Variants in GRIP1 observed in about 807,000 individuals in gnomAD.
The protein encoded by GRIP1 is glutamate receptor-interacting protein 1.
Under a neutral mutation model 129.9 loss-of-function variants are expected in GRIP1, and 45 were observed. The observed-to-expected ratio is 0.35, with a 90% CI of 0.27 to 0.44. The LOEUF (loss-of-function observed/expected upper bound fraction) is 0.44. Among genes scored for constraint, GRIP1 ranks in the 20% least tolerant of loss-of-function variants. The probability of loss-of-function intolerance (pLI) is 1.00; values close to 1 mark genes in which losing one functional copy is unlikely to be tolerated. For synonymous variants in GRIP1, 530 were observed against 520.8 expected (o/e 1.02, Z -0.24); for missense variants, 1,196 against 1,396.8 (o/e 0.86, Z 2.29).
In GRIP1 at chr12:66,817,873, A is replaced by T. The variant is rs2039251778; in HGVS notation, c.59-220946T>A. Among the ~76,000 whole-genome samples, 3 of 152,324 alleles carry T rather than the reference A, an allele frequency of 2.0e-5. No homozygotes were observed. The South Asian group carries it at 6.2e-4, about 32-fold the overall frequency. On this transcript the variant is annotated intron_variant, in intron 1 of 1. Coordinates refer to the GRIP1 transcript ENST00000643019. ...TTTTTACTTAATCTGTTCTATATGT[A>T]GCTTAATAGGAAGAAGCTACATTTT...
chr12:66,484,684 G>A (rs1465721512), intron 7 of GRIP1, among the ~76,000 whole-genome samples: 1 of 152,100 alleles, frequency 6.6e-6, no homozygotes, highest in Non-Finnish European at 1.5e-5. Context: ...AAGGAGAAGG[G>A]GCGGGGGTGT....
chr12:66,954,814 A>G (rs559032571), intron 1 of GRIP1, among the ~76,000 whole-genome samples: 2 of 152,224 alleles, frequency 1.3e-5, no homozygotes, highest in East Asian at 1.9e-4. Context: ...TATATAAAAT[A>G]TATAATTTAT....
At chr12:66,785,979 A>G (rs992484891) in intron 1 of GRIP1, among the ~76,000 whole-genome samples, 1 of 152,162 alleles carries the variant, frequency 6.6e-6, no homozygotes, top group African/African-American at 2.4e-5. Flanking sequence ...GCTATTCAGG[A>G]GGCTGAGGTG....
intron 1 of GRIP1, among the ~76,000 whole-genome samples, chr12:66,723,605 G>A (rs192434847): frequency 1.3e-3 from 202 of 152,034 alleles, no homozygotes; most frequent in Non-Finnish European, 2.5e-3. Flanking sequence ...GAGCCACCAC[G>A]CCTGGCCTCA....
Position 66,394,259 on chromosome 12 carries a change from G to A in GRIP1, c.2078C>T (p.Pro693Leu), listed in dbSNP as rs919820567. ...LGITISGTEEPFDPIIISSLT... is the reference protein window; with the variant it reads ...LGITISGTEELFDPIIISSLT... ...GCTTGAAATGATTATAGGATCAAAC[G>A]GCTCTTCAGTTCCTGAAATTGTGAT... The change falls in exon 17 of 25, where the codon CCG becomes CTG. Residue 693 changes from proline (P) to leucine (L), a missense_variant. Physicochemically the swap from Pro to Leu is moderately conservative, Grantham distance 98. Transcript: ENST00000359742. 2.5e-6 allele frequency: 4 copies of A among 1,613,768 alleles called. No homozygotes were observed. Among genetic ancestry groups the A allele is most frequent in the African/African-American group, 1.3e-5 (1 of 74,898 alleles).
intron 19 of GRIP1, among the ~76,000 whole-genome samples, chr12:66,382,820 G>A (rs578135141): frequency 6.6e-6 from 1 of 152,314 alleles, no homozygotes; most frequent in South Asian, 2.1e-4. Flanking sequence ...GAAGAAAGAG[G>A]CATAGAAAGT....
At position 66,638,517 on chromosome 12, in the gene GRIP1, G is replaced by GT. The variant is rs1378230643; in HGVS notation, c.55+40332dup. On this transcript the variant is annotated intron_variant, in intron 1 of 24. Transcript: ENST00000359742. The stretch of plus-strand genomic sequence containing the variant: ...CTGTTTCTTACTGCCCCACAAAATA[G>GT]TTTTTTATAATGACAGACAAAATAG... 2.0e-5 allele frequency among the ~76,000 whole-genome samples: 3 copies of GT among 152,246 alleles called. No homozygotes were observed. The South Asian group carries it at 6.2e-4, about 32-fold the overall frequency.
intron 19 of GRIP1, among the ~76,000 whole-genome samples, chr12:66,388,844 A>G (rs550026467): frequency 8.1e-4 from 124 of 152,320 alleles, no homozygotes; most frequent in Non-Finnish European, 1.5e-3. Flanking sequence ...AACCTCTTCC[A>G]TGGGAGCAGA....
chr12:66,520,396 C>A (rs1460212596), intron 5 of GRIP1, among the ~76,000 whole-genome samples: 1 of 152,300 alleles, frequency 6.6e-6, no homozygotes, highest in East Asian at 1.9e-4. Context: ...TTATTCAAAA[C>A]TCCAAAAACT....
intron 5 of GRIP1, 138 bp downstream of exon 5, chr12:66,529,693 C>T (rs540641672): frequency 2.2e-5 from 15 of 679,868 alleles, no homozygotes; most frequent in South Asian, 1.0e-4. Flanking sequence ...GTATACTGCT[C>T]GGGTCGTGGG....
At chr12:66,405,022 T>G (rs2057141431) in intron 16 of GRIP1, among the ~76,000 whole-genome samples, 2 of 152,132 alleles carry the variant, frequency 1.3e-5, no homozygotes, top group Admixed American at 1.3e-4. Flanking sequence ...CCAGCCTGGG[T>G]GTGCCACACA....
At chr12:66,423,626 C>A (rs1161517622) in intron 14 of GRIP1, among the ~76,000 whole-genome samples, 1 of 152,170 alleles carries the variant, frequency 6.6e-6, no homozygotes, top group Non-Finnish European at 1.5e-5. Context: ...GAGACAAGCG[C>A]CTCTGCTCTG....
chr12:66,914,768 A>G lies in GRIP1; in HGVS notation c.58+154282T>C, dbSNP rs563195674. ...CCTGAAAATCAAAGAATCTGCATGT[A>G]CCCTGGCAGGAGAAAAACAAATATC... On this transcript the variant is annotated intron_variant, in intron 1 of 1. Coordinates refer to the GRIP1 transcript ENST00000643019. Among the ~76,000 whole-genome samples the G allele has an allele frequency of 9.5e-4, 144 of 152,282 alleles. 1 individual carries two copies. Among genetic ancestry groups the G allele is most frequent in the African/African-American group, 3.4e-3 (141 of 41,558 alleles).
At chr12:66,705,762 A>G (rs899714129) in intron 1 of GRIP1, among the ~76,000 whole-genome samples, 6 of 152,106 alleles carry the variant, frequency 3.9e-5, no homozygotes, top group African/African-American at 1.2e-4. Flanking sequence ...CACATCTACA[A>G]TCATCTGATC....
At chr12:66,779,853 A>G (rs2038100111) in intron 1 of GRIP1, among the ~76,000 whole-genome samples, 1 of 152,260 alleles carries the variant, frequency 6.6e-6, no homozygotes, top group Non-Finnish European at 1.5e-5. Flanking sequence ...AGGAAGGTCA[A>G]GTCTGAGGAC....
At position 66,451,383 on chromosome 12, in the gene GRIP1, G is replaced by GTTTTTTT. The variant is rs1169331519; in HGVS notation, c.1354+4019_1354+4025dup. Among the ~76,000 whole-genome samples the GTTTTTTT allele has an allele frequency of 2.2e-3, 92 of 42,654 alleles. 18 individuals carry two copies. The highest frequency in any genetic ancestry group is 5.3e-3 in the East Asian group (8 of 1,498). 28.0% of individuals were successfully genotyped at this position (42,654 alleles called of 152,430 possible). The stretch of plus-strand genomic sequence containing the variant: ...CCCCAAAGATTTATTATTATAATCT[G>GTTTTTTT]TTTTTTTTTTTTTTTTTTTTTTTTT... On this transcript the variant is annotated intron_variant, in intron 11 of 24. Coordinates refer to ENST00000359742, the MANE Select transcript of GRIP1 (RefSeq NM_001366722.1).
chr12:66,679,085 T>G (rs1191145467), upstream of GRIP1: 1 of 1,500,690 alleles, frequency 6.7e-7, no homozygotes, highest in African/African-American at 1.4e-5. Flanking sequence ...CTGGCAAATC[T>G]GTGTCATTCA....
chr12:66,424,919 C>T (rs1021975829), intron 14 of GRIP1, among the ~76,000 whole-genome samples: 4 of 83,218 alleles, frequency 4.8e-5, no homozygotes, highest in Admixed American at 1.1e-4. Context: ...TTCCTTCCCA[C>T]AAACCCTGGG....
intron 7 of GRIP1, among the ~76,000 whole-genome samples, chr12:66,504,065 A>C (rs1406298219): frequency 4.6e-5 from 7 of 152,128 alleles, no homozygotes; most frequent in African/African-American, 1.7e-4. Flanking sequence ...ACTGTCAGGG[A>C]AATGATTTGG....
Sources: allele counts gnomAD v4.1 joint callset (sites outside exome capture counted in the v4.1 genomes callset), GRCh38; gene constraint gnomAD v4.1.1; transcripts MANE v1.5; gene names NCBI Gene and HGNC (gene_info 2026-07-23, HGNC 2026-07-21).